The following TTC12 variants were observed in gnomAD, a reference collection of about 807,000 sequenced individuals.
TTC12 encodes tetratricopeptide repeat domain 12.
A neutral mutation model predicts 90.1 loss-of-function variants in TTC12; 70 were observed. The observed-to-expected ratio is 0.78, with a 90% CI of 0.64 to 0.95. The LOEUF (loss-of-function observed/expected upper bound fraction) is 0.95, where lower values mean the gene tolerates loss of function less well. Among genes scored for constraint, TTC12 ranks in the 40% least tolerant of loss-of-function variants. The probability of loss-of-function intolerance (pLI) is 0.00; values close to 1 mark genes in which losing one functional copy is unlikely to be tolerated. For missense variants in TTC12, 819 were observed against 846.1 expected, an observed-to-expected ratio of 0.97 and a Z score of 0.40; for synonymous variants, 296 against 311.5, an observed-to-expected ratio of 0.95 and a Z score of 0.53.
At chr11:113,360,126 ACT>A in intron 18 of TTC12, 118 bp downstream of exon 18, 1 of 684,966 alleles carries the variant, frequency 1.5e-6, no homozygotes. Flanking sequence ...GAATCTGCTG[ACT>A]CTGAGATATG....
chr11:113,334,850 G>T, intron 7 of TTC12, 116 bp from the exon 8 acceptor site: 1 of 765,898 alleles, frequency 1.3e-6, no homozygotes, highest in Non-Finnish European at 2.1e-6. Flanking sequence ...TGTCAACTCT[G>T]GTAGTTGCCC....
At chr11:113,361,954 T>TAA (rs35243476) in intron 18 of TTC12, among the ~76,000 whole-genome samples, 65 of 137,956 alleles carry the variant, frequency 4.7e-4, no homozygotes, top group Non-Finnish European at 6.9e-4. Context: ...GGCATTTATT[T>TAA]AAAAAAAAAA....
chr11:113,320,875 C>T (rs913638660), intron 2 of TTC12, among the ~76,000 whole-genome samples: 4 of 152,230 alleles, frequency 2.6e-5, no homozygotes, highest in African/African-American at 9.6e-5. Context: ...TCAGAGAACT[C>T]CCCTGTTTCA....
At chr11:113,328,710 C>G (rs1435679781) in intron 6 of TTC12, among the ~76,000 whole-genome samples, 1 of 152,104 alleles carries the variant, frequency 6.6e-6, no homozygotes, top group Non-Finnish European at 1.5e-5. Context: ...GTTGTGCAAC[C>G]ATCACAATCA....
chr11:113,355,882 A>G (rs543871824), intron 16 of TTC12, among the ~76,000 whole-genome samples: 12 of 152,360 alleles, frequency 7.9e-5, no homozygotes, highest in African/African-American at 2.9e-4. Context: ...ATTTTAGAGT[A>G]TGCACTATGT....
chr11:113,341,693 C>T, intron 11 of TTC12, 144 bp from the exon 12 acceptor site: 1 of 675,928 alleles, frequency 1.5e-6, no homozygotes, highest in Admixed American at 2.1e-5. Flanking sequence ...GTGATTGATC[C>T]TGGTGACCCA....
chr11:113,351,125 C>T (rs1555149996), intron 14 of TTC12, 114 bp from the exon 15 acceptor site: 4 of 920,720 alleles, frequency 4.3e-6, no homozygotes, highest in Non-Finnish European at 5.1e-6. Flanking sequence ...ATTGTCCATG[C>T]ACACTCTAAA....
chr11:113,316,818 T>C (rs1946969448), intron 2 of TTC12, among the ~76,000 whole-genome samples: 2 of 152,260 alleles, frequency 1.3e-5, no homozygotes, highest in African/African-American at 4.8e-5. Context: ...CTTTCCCAAG[T>C]TCAGGCAGGT....
chr11:113,332,633 T>G (rs1948130291), intron 7 of TTC12, among the ~76,000 whole-genome samples: 1 of 152,008 alleles, frequency 6.6e-6, no homozygotes. Context: ...AGCTCTCTTC[T>G]CCTCTCATGG....
intron 15 of TTC12, 98 bp from the exon 16 acceptor site, chr11:113,351,972 G>C: frequency 7.0e-7 from 1 of 1,419,780 alleles, no homozygotes; most frequent in Non-Finnish European, 9.4e-7. Flanking sequence ...TATCTGGTTG[G>C]TTCGTGGGCC....
intron 9 of TTC12, 48 bp from the exon 10 acceptor site, chr11:113,339,238 T>G (rs1948548225): frequency 2.0e-6 from 3 of 1,494,818 alleles, no homozygotes; most frequent in Non-Finnish European, 1.8e-6. Context: ...TTGTGTGGTA[T>G]TGTTGATTGT....
chr11:113,369,554 A>G (rs1027556732), downstream of TTC12, among the ~76,000 whole-genome samples: 53 of 152,152 alleles, frequency 3.5e-4, no homozygotes, highest in Admixed American at 1.3e-4. Flanking sequence ...ATAAGATAAA[A>G]ACAGAATAGT....
At chr11:113,319,711 C>T (rs1199798226) in intron 2 of TTC12, among the ~76,000 whole-genome samples, 3 of 151,656 alleles carry the variant, frequency 2.0e-5, no homozygotes, top group African/African-American at 7.3e-5. Flanking sequence ...CTTTCCCTAC[C>T]TGACATTCAA....
At chr11:113,339,898 C>A (rs1303922256) in intron 10 of TTC12, among the ~76,000 whole-genome samples, 2 of 152,150 alleles carry the variant, frequency 1.3e-5, no homozygotes, top group African/African-American at 4.8e-5. Flanking sequence ...ACCACACACC[C>A]CATGCACATC....
intron 13 of TTC12, among the ~76,000 whole-genome samples, chr11:113,344,705 T>A (rs1948854731): frequency 6.6e-6 from 1 of 152,216 alleles, no homozygotes; most frequent in African/African-American, 2.4e-5. Context: ...CGTAGCCAGA[T>A]CAGGAGCCCC....
chr11:113,362,822 T>C (rs190946787), intron 19 of TTC12, among the ~76,000 whole-genome samples: 13 of 152,372 alleles, frequency 8.5e-5, no homozygotes, highest in Admixed American at 3.9e-4. Flanking sequence ...GTAACGTTTC[T>C]CAGGCACATT....
downstream of TTC12, chr11:113,368,096 T>A (rs1385402105): frequency 2.4e-5 from 27 of 1,122,146 alleles, no homozygotes; most frequent in South Asian, 5.9e-5. Context: ...GCTGCCCTCC[T>A]TCTTGGCTCT....
intron 18 of TTC12, among the ~76,000 whole-genome samples, chr11:113,360,940 C>T (rs1162437382): frequency 6.6e-6 from 1 of 152,186 alleles, no homozygotes; most frequent in African/African-American, 2.4e-5. Context: ...AGGTCTATGA[C>T]CCCCAAAGTG....
chr11:113,348,466 G>A lies in TTC12; in HGVS notation c.1155-1607G>A, dbSNP rs563760797. On this transcript the variant is annotated intron_variant, in intron 13 of 21. Coordinates refer to ENST00000529221, the MANE Select transcript of TTC12 (RefSeq NM_017868.4). The stretch of plus-strand genomic sequence containing the variant: ...TACCTCTTACTCTGCTGCTGCCTCA[G>A]TCTGGTCCCTTAGCCTTTATTATCT... 3.3e-5 allele frequency among the ~76,000 whole-genome samples: 5 copies of A among 152,230 alleles called. No individual in the cohort carries two copies. In the East Asian group the frequency reaches 5.8e-4, roughly 18 times the overall value.
Sources: gnomAD v4.1 joint callset for allele counts (sites outside exome capture counted in the v4.1 genomes callset) on GRCh38, gnomAD v4.1.1 for gene constraint, MANE v1.5 for transcripts, NCBI Gene and HGNC (gene_info 2026-07-23, HGNC 2026-07-21) for gene names.